The following AFF4 variants were observed in gnomAD, a reference collection of about 807,000 sequenced individuals.
The protein encoded by AFF4 is ALF transcription elongation factor 4.
In AFF4, 13 loss-of-function variants were observed where a neutral mutation model predicts 124.8. The ratio of observed to expected loss-of-function variants is 0.10; its 90% CI spans 0.07 to 0.17. AFF4 has a LOEUF of 0.17. Among genes scored for constraint, AFF4 ranks in the 10% least tolerant of loss-of-function variants. The probability of loss-of-function intolerance (pLI) is 1.00; values close to 1 mark genes in which losing one functional copy is unlikely to be tolerated. For synonymous variants in AFF4, 477 were observed against 496.1 expected (o/e 0.96, Z 0.51); for missense variants, 1,092 against 1,403.8 (o/e 0.78, Z 3.55).
chr5:132,924,089 A>T (rs1330050947), intron 5 of AFF4, among the ~76,000 whole-genome samples: 1 of 151,998 alleles, frequency 6.6e-6, no homozygotes, highest in Non-Finnish European at 1.5e-5. Flanking sequence ...CCCCGTCTCT[A>T]CTAAAAATAC....
chr5:132,921,571 T>A (rs1761049064), intron 5 of AFF4, among the ~76,000 whole-genome samples: 1 of 151,374 alleles, frequency 6.6e-6, no homozygotes, highest in Non-Finnish European at 1.5e-5. Flanking sequence ...CAGCTTCAAG[T>A]GATTCTCCTG....
chr5:132,905,457 T>C (rs909264297), intron 5 of AFF4, among the ~76,000 whole-genome samples: 1 of 152,192 alleles, frequency 6.6e-6, no homozygotes, highest in African/African-American at 2.4e-5. Flanking sequence ...GAAAGAACAA[T>C]CCAAATAGTT....
Position 132,897,144 on chromosome 5 carries a change from T to C in AFF4, c.1486A>G (p.Ile496Val). ...VSPASSVDSN[I>V]PSSQGYKKEG... ...TTTTTGTAGCCTTGAGATGATGGGA[T>C]GTTACTGTCCACTGAAGAGGCGGGT... The change falls in exon 11 of 21, where the codon ATC becomes GTC. Residue 496 changes from isoleucine (I) to valine (V), a missense_variant. Physicochemically the swap from Ile to Val is conservative, Grantham distance 29 (BLOSUM62 3). Around this residue, in one of 11 missense-constraint regions of AFF4, gnomAD observed 7 missense variants for 33.5 expected, o/e 0.21. Coordinates refer to ENST00000265343, the MANE Select transcript of AFF4 (RefSeq NM_014423.4). 1 of 1,614,222 alleles carries C rather than the reference T, an allele frequency of 6.2e-7. No individual in the cohort carries two copies. Among genetic ancestry groups the C allele is most frequent in the Admixed American group, 1.7e-5 (1 of 60,022 alleles).
chr5:132,882,255 C>T (rs1225716230), intron 20 of AFF4, among the ~76,000 whole-genome samples: 1 of 150,788 alleles, frequency 6.6e-6, no homozygotes, highest in African/African-American at 2.4e-5. Context: ...TTTTACCTTT[C>T]ACCATTGCCT....
chr5:132,954,077 AAC>A (rs141675859), intron 1 of AFF4, among the ~76,000 whole-genome samples: 2,625 of 152,286 alleles, frequency 0.017, 80 homozygotes, highest in African/African-American at 0.06. Flanking sequence ...CCAGTTCTTG[AAC>A]ACAGTGTGCA....
At chr5:132,884,948 A>G in intron 19 of AFF4, 128 bp downstream of exon 19, 1 of 591,410 alleles carries the variant, frequency 1.7e-6, no homozygotes, top group Non-Finnish European at 2.9e-6. Context: ...TATAACTTCT[A>G]AAAATATTTT....
chr5:132,896,450 G>A lies in AFF4; in HGVS notation c.2180C>T (p.Pro727Leu), dbSNP rs769908015. ...CTCTGTTTCTTTGTAAGGCTTTCCT[G>A]GTATTCTAGTCAAAAGATTCAGGTC... ...KIDLNLLTRIPGKPYKETEPP... is the reference protein window; with the variant it reads ...KIDLNLLTRILGKPYKETEPP... The change falls in exon 11 of 21, where the codon CCA becomes CTA. Residue 727 changes from proline to leucine, a missense_variant. Pro to Leu is a moderately conservative substitution (Grantham distance 98). Coordinates refer to ENST00000265343, the MANE Select transcript of AFF4 (RefSeq NM_014423.4). The A allele has an allele frequency of 6.2e-7, 1 of 1,614,116 alleles. No individual in the cohort carries two copies. Among genetic ancestry groups the A allele is most frequent in the Non-Finnish European group, 8.5e-7 (1 of 1,180,014 alleles).
In AFF4 at chr5:132,883,162, T is replaced by C. The variant is rs528233721; in HGVS notation, c.3364+178A>G. Among the ~76,000 whole-genome samples, 5 of 152,370 alleles carry C rather than the reference T, an allele frequency of 3.3e-5. No individual in the cohort carries two copies. The East Asian group carries it at 9.6e-4, about 29-fold the overall frequency. On this transcript the variant is annotated intron_variant, in intron 20 of 20. Coordinates refer to ENST00000265343, the MANE Select transcript of AFF4 (RefSeq NM_014423.4). ...TCACCAGAATCATGAGAGGTATCTTTTGACCAAATTCAGTTTCATTTATTG... is the reference window on the plus strand; with the variant it reads ...TCACCAGAATCATGAGAGGTATCTTCTGACCAAATTCAGTTTCATTTATTG...
rs1451052563 is a variant in AFF4, at chr5:132,934,252, G to T, written c.813C>A (p.Ser271=). The change falls in exon 3 of 21, where the codon TCC becomes TCA. Residue 271 remains serine, a synonymous_variant. Transcript: ENST00000265343. ...DGQESMEPKL[S]SEHYSSQSHG... ...GGGATTGGCTGCTGTAGTGCTCAGAGGACAGCTTTGGTTCCATGGACTCCT... is the reference window on the plus strand; with the variant it reads ...GGGATTGGCTGCTGTAGTGCTCAGATGACAGCTTTGGTTCCATGGACTCCT... 6.2e-7 allele frequency: 1 copy of T among 1,614,062 alleles called. No homozygotes were observed. Among genetic ancestry groups the T allele is most frequent in the African/African-American group, 1.3e-5 (1 of 74,914 alleles).
intron 14 of AFF4, among the ~76,000 whole-genome samples, 199 bp from the exon 15 acceptor site, chr5:132,888,359 C>G (rs1474609591): frequency 6.6e-6 from 1 of 151,656 alleles, no homozygotes; most frequent in African/African-American, 2.4e-5. Context: ...CATGGCAAAC[C>G]TAATTAGGAA....
intron 1 of AFF4, among the ~76,000 whole-genome samples, chr5:132,962,078 T>G (rs761079830): frequency 7.9e-5 from 12 of 152,236 alleles, no homozygotes; most frequent in Non-Finnish European, 1.8e-4. Context: ...AAGATGATTC[T>G]AGGCAGACTC....
intron 4 of AFF4, among the ~76,000 whole-genome samples, chr5:132,931,460 A>C (rs1027431602): frequency 6.6e-5 from 10 of 152,126 alleles, no homozygotes; most frequent in African/African-American, 2.4e-4. Context: ...ACTGGAAGGA[A>C]ATCTATTACT....
At chr5:132,942,378 G>A (rs1045542335) in intron 1 of AFF4, among the ~76,000 whole-genome samples, 1 of 152,108 alleles carries the variant, frequency 6.6e-6, no homozygotes, top group Non-Finnish European at 1.5e-5. Context: ...AATTCCCTTG[G>A]AGAAAGGTGT....
At chr5:132,895,311 T>G (rs1161400155) in intron 11 of AFF4, among the ~76,000 whole-genome samples, 4 of 152,242 alleles carry the variant, frequency 2.6e-5, no homozygotes, top group African/African-American at 9.6e-5. Flanking sequence ...AAAGAAGTCA[T>G]GTATTATTCT....
intron 12 of AFF4, among the ~76,000 whole-genome samples, 166 bp from the exon 13 acceptor site, chr5:132,892,570 T>G (rs932815174): frequency 6.6e-6 from 1 of 152,190 alleles, no homozygotes; most frequent in South Asian, 2.1e-4. Context: ...TCCATGAAGG[T>G]AGGCATCTTC....
chr5:132,913,654 C>A (rs1309115894), intron 5 of AFF4, among the ~76,000 whole-genome samples: 1 of 152,178 alleles, frequency 6.6e-6, no homozygotes, highest in Non-Finnish European at 1.5e-5. Context: ...GTTGCTCAGG[C>A]TGGTCTCAAA....
At chr5:132,894,822 C>T (rs1463938764) in intron 11 of AFF4, among the ~76,000 whole-genome samples, 3 of 151,890 alleles carry the variant, frequency 2.0e-5, no homozygotes, top group East Asian at 1.9e-4. Context: ...GGTGTGGGGT[C>T]GCATGCCTGT....
chr5:132,958,465 C>CAAAAAAAAAAAAAAA (rs34337170), intron 1 of AFF4, among the ~76,000 whole-genome samples: 1 of 55,708 alleles, frequency 1.8e-5, no homozygotes, highest in African/African-American at 8.5e-5. Context: ...GACCCTGTCT[C>CAAAAAAAAAAAAAAA]AAAAAAAAAA....
rs1414178877 is a variant in AFF4 at position 132,923,802 on chromosome 5, T to G, written c.1050+3319A>C. Among the ~76,000 whole-genome samples the G allele has an allele frequency of 2.0e-5, 3 of 152,170 alleles. No homozygotes were observed. In the East Asian group the frequency reaches 5.8e-4, roughly 29 times the overall value. ...TACCCTATGAACCAGCAATTCTACT[T>G]TTTACTATGTGACCCAGTATTTACC... is the stretch of plus-strand genomic sequence containing the variant. On this transcript the variant is annotated intron_variant, in intron 5 of 20. Transcript: ENST00000265343.
Sources: allele counts gnomAD v4.1 joint callset (sites outside exome capture counted in the v4.1 genomes callset), GRCh38; gene constraint gnomAD v4.1.1; regional missense constraint gnomAD v4.1.1; transcripts MANE v1.5; gene names NCBI Gene and HGNC (gene_info 2026-07-23, HGNC 2026-07-21).